Variants in PEAK1 observed in about 807,000 individuals in gnomAD.
PEAK1 encodes pseudopodium enriched atypical kinase 1.
In PEAK1, 54 loss-of-function variants were observed where a neutral mutation model predicts 124.7. The observed-to-expected ratio is 0.43, with a 90% CI of 0.35 to 0.54. The LOEUF (loss-of-function observed/expected upper bound fraction) is 0.54. PEAK1 is among the 20% of genes least tolerant of loss of function. The pLI is 0.01. For missense variants in PEAK1, 2,046 were observed against 2,134.5 expected (o/e 0.96, Z 0.82); for synonymous variants, 719 against 760.0 (o/e 0.95, Z 0.89).
At chr15:77,285,599 C>G (rs1230516184) in intron 3 of PEAK1, among the ~76,000 whole-genome samples, 1 of 152,136 alleles carries the variant, frequency 6.6e-6, no homozygotes, top group African/African-American at 2.4e-5. Context: ...TGACCTCAAG[C>G]AATTTACCAA....
At chr15:77,226,984 A>G (rs1478855510) in intron 6 of PEAK1, among the ~76,000 whole-genome samples, 1 of 152,152 alleles carries the variant, frequency 6.6e-6, no homozygotes, top group Non-Finnish European at 1.5e-5. Context: ...ATTCTATTTT[A>G]CTATATGGCA....
intron 2 of PEAK1, among the ~76,000 whole-genome samples, chr15:77,322,999 A>G (rs1421081650): frequency 6.6e-6 from 1 of 152,212 alleles, no homozygotes; most frequent in African/African-American, 2.4e-5. Context: ...CAATAAACGT[A>G]ATCCAGCATA....
Position 77,114,513 on chromosome 15 carries a change from G to A in PEAK1, c.4884C>T (p.Ile1628=), listed in dbSNP as rs995505652. ...CCCGGGAGTAGGGGGAGCGGAATGGGATGCGAGGCAGGTCTGCTCGTGTGT... is the reference window on the plus strand; with the variant it reads ...CCCGGGAGTAGGGGGAGCGGAATGGAATGCGAGGCAGGTCTGCTCGTGTGT... ...REYTRADLPR[I]PFRSPYSRGL... is the part of the protein sequence containing the mutation. Residue 1628 remains isoleucine, a synonymous_variant, in exon 10 of 10, where the codon ATC becomes ATT. Transcript: ENST00000682557. 7 of 1,613,968 alleles carry A rather than the reference G, an allele frequency of 4.3e-6. No individual in the cohort carries two copies. The Admixed American group carries it at 1.2e-4, about 27-fold the overall frequency.
intron 6 of PEAK1, among the ~76,000 whole-genome samples, chr15:77,182,347 C>A (rs1245069449): frequency 6.6e-6 from 1 of 152,040 alleles, no homozygotes; most frequent in African/African-American, 2.4e-5. Context: ...CTTCTGTTAT[C>A]CACCAATTTC....
intron 7 of PEAK1, among the ~76,000 whole-genome samples, chr15:77,164,454 T>C (rs1474939959): frequency 6.6e-6 from 1 of 152,218 alleles, no homozygotes; most frequent in East Asian, 1.9e-4. Flanking sequence ...TTGAATGAAC[T>C]CTAATTTTCT....
intron 1 of PEAK1, among the ~76,000 whole-genome samples, chr15:77,396,183 T>G (rs1165431181): frequency 6.6e-6 from 1 of 152,080 alleles, no homozygotes; most frequent in Non-Finnish European, 1.5e-5. Context: ...CAAATATCTA[T>G]CTATAGATAG....
At chr15:77,257,806 C>A in intron 5 of PEAK1, among the ~76,000 whole-genome samples, 1 of 146,388 alleles carries the variant, frequency 6.8e-6, no homozygotes, top group Non-Finnish European at 1.6e-5. Context: ...CTTGCCTGTG[C>A]CTATGTCCTG....
chr15:77,418,053 T>G, intron 1 of PEAK1: 1 of 983,076 alleles, frequency 1.0e-6, no homozygotes, highest in Non-Finnish European at 1.2e-6. Context: ...TGAAGTGGCA[T>G]TATTTCTTCA....
At chr15:77,115,789 C>T (rs940057843) in intron 9 of PEAK1, among the ~76,000 whole-genome samples, 3 of 152,174 alleles carry the variant, frequency 2.0e-5, no homozygotes, top group African/African-American at 7.2e-5. Context: ...CTTATTTCAT[C>T]ACCCATCGCC....
At chr15:77,368,567 G>T (rs1183735094) in intron 1 of PEAK1, among the ~76,000 whole-genome samples, 5 of 151,484 alleles carry the variant, frequency 3.3e-5, no homozygotes, top group Non-Finnish European at 7.4e-5. Flanking sequence ...CTGCTTGAGG[G>T]TTTAAAACTC....
chr15:77,175,867 C>G (rs368607117), intron 7 of PEAK1, among the ~76,000 whole-genome samples: 50 of 152,090 alleles, frequency 3.3e-4, no homozygotes, highest in Non-Finnish European at 4.4e-4. Context: ...TGTCCAACAA[C>G]GATAGACTGG....
In PEAK1 at chr15:77,179,824, T is replaced by A. The variant is rs761356386; in HGVS notation, c.2103A>T (p.Ser701=). Residue 701 remains serine, a synonymous_variant, in exon 7 of 10, where the codon TCA becomes TCT. Coordinates refer to ENST00000682557, the MANE Select transcript of PEAK1 (RefSeq NM_001385026.1). ...FSNSTEHKRG[S]VAQKVQEFNN... ...TAAACTCTTGAACCTTCTGAGCCAC[T>A]GAGCCCCTTTTATGCTCTGTGCTGT... is the stretch of plus-strand genomic sequence containing the variant. 3.7e-5 allele frequency: 60 copies of A among 1,614,060 alleles called. No individual in the cohort carries two copies. Among genetic ancestry groups the A allele is most frequent in the Non-Finnish European group, 4.8e-5 (57 of 1,180,026 alleles).
At chr15:77,191,386 A>G (rs1393414014) in intron 6 of PEAK1, among the ~76,000 whole-genome samples, 2 of 152,162 alleles carry the variant, frequency 1.3e-5, no homozygotes, top group African/African-American at 4.8e-5. Context: ...TGATCCCTCT[A>G]ATCTCCTCCA....
chr15:77,152,638 C>T (rs2054751434), intron 8 of PEAK1, among the ~76,000 whole-genome samples: 1 of 152,116 alleles, frequency 6.6e-6, no homozygotes, highest in African/African-American at 2.4e-5. Context: ...TCATAGATAG[C>T]TCTTATTATT....
At chr15:77,375,816 A>G (rs938623260) in intron 1 of PEAK1, among the ~76,000 whole-genome samples, 14 of 152,072 alleles carry the variant, frequency 9.2e-5, no homozygotes, top group African/African-American at 3.4e-4. Context: ...TAACACGGTG[A>G]AACCCTGTCT....
At chr15:77,205,086 G>T in intron 6 of PEAK1, 1 of 227,342 alleles carries the variant, frequency 4.4e-6, no homozygotes, top group Non-Finnish European at 8.8e-6. Flanking sequence ...AGAGAAAGAA[G>T]CCAAGTCTGA....
chr15:77,351,084 A>C (rs1367467168), intron 2 of PEAK1: 1 of 254,920 alleles, frequency 3.9e-6, no homozygotes. Context: ...CAGACATGCA[A>C]ACATTACATA....
chr15:77,112,700 CA>C lies in PEAK1; in HGVS notation c.*1455del, dbSNP rs2051055606. 2 of 139,842 alleles carry C rather than the reference CA, an allele frequency of 1.4e-5. No homozygotes were observed. The highest frequency in any genetic ancestry group is 7.2e-5 in the Admixed American group (1 of 13,862). 8.7% of individuals were successfully genotyped at this position (139,842 alleles called of 1,614,324 possible). A position where few individuals can be genotyped will look rare whatever the true frequency, so the allele number is the denominator to read the frequency against. ...ACACACACACACACACACACACACA[CA>C]CACAACCCCAGTGGAAGGAACGCTC... is the stretch of plus-strand genomic sequence containing the variant. On this transcript the variant is annotated 3_prime_UTR_variant, in exon 10 of 10. Transcript: ENST00000682557.
chr15:77,119,640 C>T (rs2051730323), intron 9 of PEAK1, among the ~76,000 whole-genome samples: 1 of 152,094 alleles, frequency 6.6e-6, no homozygotes, highest in Non-Finnish European at 1.5e-5. Context: ...TTCTCAGACT[C>T]GGGTCAAAGA....
Sources: allele counts gnomAD v4.1 joint callset (sites outside exome capture counted in the v4.1 genomes callset), GRCh38; gene constraint gnomAD v4.1.1; transcripts MANE v1.5; gene names NCBI Gene and HGNC (gene_info 2026-07-23, HGNC 2026-07-21).